NPR3: variants seen among roughly 807,000 people sequenced by gnomAD.
NPR3 encodes natriuretic peptide receptor 3.
In NPR3, 34 loss-of-function variants were observed where a neutral mutation model predicts 54.5. The ratio of observed to expected loss-of-function variants is 0.62; its 90% confidence interval spans 0.47 to 0.83. The LOEUF is 0.83. NPR3 is among the 40% of genes least tolerant of loss of function. The pLI is 0.00. For missense variants in NPR3, 674 were observed against 720.8 expected (o/e 0.94, Z 0.74); for synonymous variants, 289 against 297.1 (o/e 0.97, Z 0.28).
intron 3 of NPR3, among the ~76,000 whole-genome samples, chr5:32,765,831 AG>A (rs2112026152): frequency 6.6e-6 from 1 of 152,342 alleles, no homozygotes; most frequent in African/African-American, 2.4e-5. Context: ...CTATAAATAA[AG>A]GCACTATTTA....
intron 3 of NPR3, among the ~76,000 whole-genome samples, chr5:32,752,583 G>A (rs2111985809): frequency 6.6e-6 from 1 of 152,310 alleles, no homozygotes; most frequent in Middle Eastern, 3.4e-3. Flanking sequence ...AAGTCAGCTA[G>A]GGAATAATTT....
intron 2 of NPR3, among the ~76,000 whole-genome samples, chr5:32,729,245 G>T (rs1395507064): frequency 6.6e-6 from 1 of 151,768 alleles, no homozygotes; most frequent in Non-Finnish European, 1.5e-5. Flanking sequence ...TAGCCCGGAT[G>T]GTCTCGATCT....
chr5:32,774,422 G>T (rs771083858), intron 3 of NPR3, among the ~76,000 whole-genome samples: 2 of 152,252 alleles, frequency 1.3e-5, no homozygotes, highest in Non-Finnish European at 2.9e-5. Context: ...GTCCAAAAGG[G>T]ACCATTGGCA....
At chr5:32,719,664 G>T (rs555808058) in intron 1 of NPR3, among the ~76,000 whole-genome samples, 1 of 152,136 alleles carries the variant, frequency 6.6e-6, no homozygotes, top group East Asian at 1.9e-4. Context: ...TTATTTCTGT[G>T]ATAATTGTAT....
In NPR3 at chr5:32,751,888, T is replaced by A. The variant is rs375945907; in HGVS notation, c.1059+12858T>A. On this transcript the variant is annotated intron_variant, in intron 3 of 7. Transcript: ENST00000265074. ...CTAATTTCCTTATATGAGGGAGAAG[T>A]GTCAGCATTAAAGCTGTTTAAACCA... Among the ~76,000 whole-genome samples, 86 of 152,294 alleles carry A rather than the reference T, an allele frequency of 5.6e-4. 2 individuals carry two copies. The highest frequency in any genetic ancestry group is 1.8e-3 in the African/African-American group (74 of 41,558).
chr5:32,737,992 C>G (rs1329376360), intron 2 of NPR3, among the ~76,000 whole-genome samples: 1 of 152,074 alleles, frequency 6.6e-6, no homozygotes, highest in Admixed American at 6.5e-5. Context: ...CACTAATGCA[C>G]TAATGGACAT....
intron 1 of NPR3, among the ~76,000 whole-genome samples, chr5:32,716,996 A>AACC (rs1561079842): frequency 8.2e-5 from 9 of 109,710 alleles, no homozygotes; most frequent in African/African-American, 1.1e-4. Context: ...CCATCCCCCA[A>AACC]CCCCCCCACC....
At position 32,711,860 on chromosome 5, in the gene NPR3, C is replaced by A; in HGVS notation, c.84C>A (p.Gly28=). 1 of 1,462,898 alleles carries A rather than the reference C, an allele frequency of 6.8e-7. No homozygotes were observed. Among genetic ancestry groups the A allele is most frequent in the Admixed American group, 2.8e-5 (1 of 35,408 alleles). 90.6% of individuals were successfully genotyped at this position (1,462,898 alleles called of 1,614,324 possible). A position where few individuals can be genotyped will look rare whatever the true frequency, so the allele number is the denominator to read the frequency against. Residue 28 remains glycine, a synonymous_variant, in exon 1 of 8, where the codon GGC becomes GGA. Coordinates refer to ENST00000265074, the MANE Select transcript of NPR3 (RefSeq NM_001204375.2). ...ALLAGGTGGG[G]VGGGGGGAGI... ...TGGCCGGCGGCACCGGTGGCGGTGG[C>A]GTTGGCGGCGGCGGCGGTGGCGCGG... is the stretch of plus-strand genomic sequence containing the variant.
chr5:32,692,898 G>A (rs558102826), intron 1 of NPR3, among the ~76,000 whole-genome samples: 5 of 152,236 alleles, frequency 3.3e-5, no homozygotes, highest in Admixed American at 6.5e-5. Context: ...AGGTGGGATC[G>A]TCAGTTGAGC....
At chr5:32,710,843 C>A, upstream of NPR3, 2 of 1,301,116 alleles carry the variant, frequency 1.5e-6, no homozygotes, top group Admixed American at 3.2e-5. Context: ...AGAACCATCC[C>A]TTTCCCCCAG....
At chr5:32,699,735 C>T (rs895363073) in intron 1 of NPR3, among the ~76,000 whole-genome samples, 1 of 152,196 alleles carries the variant, frequency 6.6e-6, no homozygotes, top group Non-Finnish European at 1.5e-5. Flanking sequence ...ACCACAATTA[C>T]AATGTTATAA....
intron 2 of NPR3, among the ~76,000 whole-genome samples, chr5:32,732,854 A>AT (rs1202836970): frequency 2.0e-5 from 3 of 151,436 alleles, no homozygotes; most frequent in Non-Finnish European, 2.9e-5. Flanking sequence ...ATTTTATTTC[A>AT]TTTTTTTGAG....
intron 3 of NPR3, among the ~76,000 whole-genome samples, chr5:32,749,336 C>T (rs1579650754): frequency 2.0e-5 from 3 of 152,138 alleles, no homozygotes. Flanking sequence ...TTTTCTTTTA[C>T]TTTCTGCATA....
At chr5:32,729,233 T>G (rs1245154310) in intron 2 of NPR3, among the ~76,000 whole-genome samples, 2 of 151,676 alleles carry the variant, frequency 1.3e-5, no homozygotes, top group East Asian at 1.9e-4. Flanking sequence ...GTTTCACCGT[T>G]TTAGCCCGGA....
At chr5:32,767,215 G>A (rs1354312036) in intron 3 of NPR3, among the ~76,000 whole-genome samples, 1 of 152,232 alleles carries the variant, frequency 6.6e-6, no homozygotes. Context: ...CTGAACAAAT[G>A]TGTCAATAGG....
intron 3 of NPR3, among the ~76,000 whole-genome samples, chr5:32,772,929 C>T: frequency 6.6e-6 from 1 of 152,170 alleles, no homozygotes; most frequent in East Asian, 1.9e-4. Flanking sequence ...TGCTTCTCGG[C>T]ACTAGCTTTT....
At chr5:32,784,764 T>C in intron 6 of NPR3, 32 bp from the exon 7 acceptor site, 1 of 1,559,648 alleles carries the variant, frequency 6.4e-7, no homozygotes, top group Non-Finnish European at 8.8e-7. Flanking sequence ...TATCTCCAAA[T>C]GAACCCTGAT....
chr5:32,743,987 A>ATC (rs1425701544), intron 3 of NPR3, among the ~76,000 whole-genome samples: 30 of 113,830 alleles, frequency 2.6e-4, no homozygotes, highest in African/African-American at 5.9e-4. Context: ...ATTCTGATGC[A>ATC]TTTTTTTTTT....
intron 3 of NPR3, among the ~76,000 whole-genome samples, chr5:32,751,504 A>G (rs567544612): frequency 3.5e-4 from 54 of 152,288 alleles, no homozygotes; most frequent in African/African-American, 1.3e-3. Flanking sequence ...TGCTGTTTTT[A>G]TTTCTAACCA....
Sources: gnomAD v4.1 joint callset for allele counts (sites outside exome capture counted in the v4.1 genomes callset) on GRCh38, gnomAD v4.1.1 for gene constraint, MANE v1.5 for transcripts, NCBI Gene and HGNC (gene_info 2026-07-23, HGNC 2026-07-21) for gene names.